Variants in TMEM132B observed in about 807,000 individuals in gnomAD.
TMEM132B encodes transmembrane protein 132B.
In TMEM132B, 18 loss-of-function variants were observed where a neutral mutation model predicts 90.8. The ratio of observed to expected loss-of-function variants is 0.20; its 90% CI spans 0.14 to 0.29. The LOEUF is 0.29. Among genes scored for constraint, TMEM132B ranks in the 10% least tolerant of loss-of-function variants. TMEM132B has a pLI of 1.00. For synonymous variants in TMEM132B, 504 were observed against 523.3 expected (o/e 0.96, Z 0.50); for missense variants, 1,096 against 1,326.8 (o/e 0.83, Z 2.70).
chr12:125,653,548 G>T lies in TMEM132B; in HGVS notation c.2107-17G>T, dbSNP rs757753196. On this transcript the variant is annotated splice_polypyrimidine_tract_variant and intron_variant, in intron 8 of 8. Coordinates refer to ENST00000682704, the MANE Select transcript of TMEM132B (RefSeq NM_001366854.1). ...GAATCTGATTATAACATAATGCTTT[G>T]GTTTCATTTTCCTCAGGAAGCAATA... The T allele has an allele frequency of 3.8e-6, 6 of 1,591,444 alleles. No homozygotes were observed. In the South Asian group the frequency reaches 4.5e-5, roughly 12 times the overall value.
chr12:125,265,629 CAG>C (rs1464296053), intron 1 of TMEM132B, among the ~76,000 whole-genome samples: 12 of 152,284 alleles, frequency 7.9e-5, no homozygotes, highest in Admixed American at 6.5e-5. Flanking sequence ...CTCATGAAAA[CAG>C]GGGCCTCTGC....
intron 3 of TMEM132B, among the ~76,000 whole-genome samples, chr12:125,513,327 CGTGTGCGTGTGCCT>C (rs778115847): frequency 1.6e-5 from 2 of 122,634 alleles, no homozygotes; most frequent in East Asian, 2.4e-4. Context: ...CTTGTATGTG[CGTGTGCGTGTGCCT>C]GTGTGCGTGT....
chr12:125,576,896 G>C (rs557605733), intron 4 of TMEM132B, among the ~76,000 whole-genome samples: 1 of 151,364 alleles, frequency 6.6e-6, no homozygotes, highest in East Asian at 1.9e-4. Flanking sequence ...GTGTGTGGCA[G>C]GGGGGTGGGG....
intron 3 of TMEM132B, among the ~76,000 whole-genome samples, chr12:125,450,742 GA>G (rs1249192318): frequency 3.9e-5 from 6 of 152,100 alleles, no homozygotes; most frequent in Admixed American, 1.3e-4. Flanking sequence ...ATTATAAGGG[GA>G]AAAAATAGTA....
chr12:125,652,746 G>A, intron 8 of TMEM132B, 114 bp downstream of exon 8: 1 of 1,255,472 alleles, frequency 8.0e-7, no homozygotes, highest in Non-Finnish European at 1.1e-6. Flanking sequence ...GGGGATTCTT[G>A]AAGCTTCTTG....
Position 125,349,102 on chromosome 12 carries a change from A to G in TMEM132B, c.68-350A>G, listed in dbSNP as rs1877463903. Among the ~76,000 whole-genome samples, 1 of 152,234 alleles carries G rather than the reference A, an allele frequency of 6.6e-6. No individual in the cohort carries two copies. The highest frequency in any genetic ancestry group is 1.5e-5 in the Non-Finnish European group (1 of 68,038). On this transcript the variant is annotated intron_variant, in intron 1 of 8. Transcript: ENST00000682704. This position sits in a 1 kb window ranked among gnomAD's most constrained non-coding sequence, Gnocchi z 4.1. ...TGCCTGATTGGTAGACTTGGTAGGT[A>G]CGCAACCTTTTATCTGTGGGGTAGA...
At chr12:125,602,624 C>A (rs1306125308) in intron 5 of TMEM132B, among the ~76,000 whole-genome samples, 1 of 152,226 alleles carries the variant, frequency 6.6e-6, no homozygotes, top group Non-Finnish European at 1.5e-5. Context: ...GGCGATCACG[C>A]AAAAGAAAGA....
chr12:125,310,104 C>T (rs1876088285), intron 1 of TMEM132B, among the ~76,000 whole-genome samples: 1 of 152,208 alleles, frequency 6.6e-6, no homozygotes, highest in Non-Finnish European at 1.5e-5. Context: ...ATGACTGCCT[C>T]ACAAGGCCCA....
chr12:125,251,455 T>C lies in TMEM132B; in HGVS notation c.67+64589T>C, dbSNP rs2136102488. Reference sequence around the variant, plus strand: ...TTAAACCAGGGATTGCAAACTGAAATACCTGCAGGGCTCACACAGGAAATG... The same window carrying C: ...TTAAACCAGGGATTGCAAACTGAAACACCTGCAGGGCTCACACAGGAAATG... On this transcript the variant is annotated intron_variant, in intron 1 of 8. Transcript: ENST00000682704. This position sits in a 1 kb window ranked among gnomAD's most constrained non-coding sequence, Gnocchi z 4.4. Among the ~76,000 whole-genome samples, 1 of 152,286 alleles carries C rather than the reference T, an allele frequency of 6.6e-6. No individual in the cohort carries two copies. Among genetic ancestry groups the C allele is most frequent in the South Asian group, 2.1e-4 (1 of 4,824 alleles).
intron 1 of TMEM132B, among the ~76,000 whole-genome samples, chr12:125,261,069 T>C (rs1184481847): frequency 6.6e-6 from 1 of 152,210 alleles, no homozygotes; most frequent in Non-Finnish European, 1.5e-5. Flanking sequence ...TGTGTTTACA[T>C]TGGCTGAATA....
intron 1 of TMEM132B, among the ~76,000 whole-genome samples, chr12:125,257,373 A>T (rs1874462700): frequency 6.6e-6 from 1 of 152,144 alleles, no homozygotes; most frequent in Non-Finnish European, 1.5e-5. Flanking sequence ...GTGCAGGGAG[A>T]ATGAATGACC....
At chr12:125,192,908 TA>T (rs1565972176) in intron 1 of TMEM132B, among the ~76,000 whole-genome samples, 1 of 152,208 alleles carries the variant, frequency 6.6e-6, no homozygotes, top group Non-Finnish European at 1.5e-5. Context: ...TTCCCATCTG[TA>T]AAATGGGCGC....
At chr12:125,299,846 C>T (rs1319370487) in intron 1 of TMEM132B, among the ~76,000 whole-genome samples, 1 of 152,232 alleles carries the variant, frequency 6.6e-6, no homozygotes, top group African/African-American at 2.4e-5. Flanking sequence ...CCTGCGTCCC[C>T]CACTTGCCCT....
At chr12:125,264,361 G>A (rs1250505385) in intron 1 of TMEM132B, among the ~76,000 whole-genome samples, 1 of 152,196 alleles carries the variant, frequency 6.6e-6, no homozygotes, top group Admixed American at 6.5e-5. Flanking sequence ...CATATTCACA[G>A]GTTCTGGGGT....
chr12:125,218,578 G>A (rs1174438428), intron 1 of TMEM132B, among the ~76,000 whole-genome samples: 1 of 152,108 alleles, frequency 6.6e-6, no homozygotes, highest in African/African-American at 2.4e-5. Context: ...ATTGTCGGTT[G>A]TGACTCGGAT....
At chr12:125,295,105 C>T (rs1167804424) in intron 1 of TMEM132B, among the ~76,000 whole-genome samples, 1 of 152,124 alleles carries the variant, frequency 6.6e-6, no homozygotes. Context: ...CAAAAGTTAA[C>T]GAGAGTCAGC....
chr12:125,295,285 G>A (rs1256070006), intron 1 of TMEM132B, among the ~76,000 whole-genome samples: 1 of 152,218 alleles, frequency 6.6e-6, no homozygotes, highest in Non-Finnish European at 1.5e-5. Flanking sequence ...TCTGGGTGGG[G>A]CCCCTTCTTC....
At chr12:125,333,423 C>T (rs558127109) in intron 1 of TMEM132B, among the ~76,000 whole-genome samples, 71 of 152,288 alleles carry the variant, frequency 4.7e-4, no homozygotes, top group African/African-American at 1.6e-3. Flanking sequence ...TTACTCAACC[C>T]ACTACATACG....
At chr12:125,530,648 C>T (rs945953827) in intron 4 of TMEM132B, among the ~76,000 whole-genome samples, 2 of 152,216 alleles carry the variant, frequency 1.3e-5, no homozygotes, top group African/African-American at 4.8e-5. Context: ...AAGGAGTCTT[C>T]CCTGCCTCTT....
Sources: allele counts gnomAD v4.1 joint callset (sites outside exome capture counted in the v4.1 genomes callset), GRCh38; gene constraint gnomAD v4.1.1; non-coding constraint Gnocchi (gnomAD v3.1); transcripts MANE v1.5; gene names NCBI Gene and HGNC (gene_info 2026-07-23, HGNC 2026-07-21).